CCDC178: variants seen among roughly 807,000 people sequenced by gnomAD.
CCDC178 encodes the protein coiled-coil domain containing 178.
CCDC178 carries 126 observed loss-of-function variants against 117.4 expected under a neutral mutation model. The ratio of observed to expected loss-of-function variants is 1.07; its 90% CI spans 0.93 to 1.24. The LOEUF (loss-of-function observed/expected upper bound fraction) is 1.24, where lower values mean the gene tolerates loss of function less well. Ranked by LOEUF, CCDC178 falls within the 50% of genes most tolerant of loss-of-function variation. CCDC178 has a pLI of 0.00. For missense variants in CCDC178, 1,030 were observed against 986.9 expected, an observed-to-expected ratio of 1.04 and a Z score of -0.59; for synonymous variants, 283 against 313.4, an observed-to-expected ratio of 0.90 and a Z score of 1.02.
chr18:33,245,203 C>CA lies in CCDC178; in HGVS notation c.1593+41_1593+42insT, dbSNP rs766952439. The CA allele has an allele frequency of 9.7e-6, 14 of 1,448,686 alleles. 1 individual carries two copies. The South Asian group carries it at 2.2e-4, about 23-fold the overall frequency. The allele number at this position is 1,448,686 out of a possible 1,614,324, so 89.7% of individuals were successfully genotyped here. On this transcript the variant is annotated intron_variant, in intron 15 of 22. Transcript: ENST00000383096. ...ATCGATACAATTCAGGTAAATTACTCTTTTTTTCATCATGAGTAAGAGGAA... is the reference window on the plus strand; with the variant it reads ...ATCGATACAATTCAGGTAAATTACTCATTTTTTTCATCATGAGTAAGAGGAA...
intron 11 of CCDC178, among the ~76,000 whole-genome samples, chr18:33,306,628 A>G (rs772426940): frequency 3.5e-5 from 5 of 144,794 alleles, no homozygotes; most frequent in Non-Finnish European, 7.6e-5. Context: ...GGTTATATAT[A>G]TATATAAGGT....
intron 20 of CCDC178, among the ~76,000 whole-genome samples, chr18:33,100,799 A>G (rs530270817): frequency 6.6e-6 from 1 of 152,132 alleles, no homozygotes; most frequent in East Asian, 1.9e-4. Flanking sequence ...AAAACCTTAC[A>G]CAAATGCCAC....
At chr18:33,039,609 G>A (rs1258270160) in intron 21 of CCDC178, among the ~76,000 whole-genome samples, 8 of 151,958 alleles carry the variant, frequency 5.3e-5, no homozygotes, top group Non-Finnish European at 1.0e-4. Flanking sequence ...CTTGCAGAAA[G>A]TTTGAGATCT....
At chr18:33,218,596 A>C (rs2059195449) in intron 18 of CCDC178, among the ~76,000 whole-genome samples, 1 of 152,208 alleles carries the variant, frequency 6.6e-6, no homozygotes. Flanking sequence ...TCTAACATTT[A>C]AGTCTTTAAT....
rs905351282 is a variant in CCDC178 at position 32,952,497 on chromosome 18, C to T, written c.2524-14406G>A. 2.6e-5 allele frequency among the ~76,000 whole-genome samples: 4 copies of T among 152,120 alleles called. No homozygotes were observed. The South Asian group carries it at 8.3e-4, about 32-fold the overall frequency. On this transcript the variant is annotated intron_variant, in intron 22 of 22. Coordinates refer to ENST00000383096, the MANE Select transcript of CCDC178 (RefSeq NM_001105528.4). ...TACAGCTGGAGCTGAAGCAGGTGGG[C>T]AACAGGACACCATGTTCTTTCTATG...
chr18:33,155,925 T>C (rs907391267), intron 20 of CCDC178, among the ~76,000 whole-genome samples: 1 of 151,916 alleles, frequency 6.6e-6, no homozygotes, highest in Non-Finnish European at 1.5e-5. Context: ...AAAATGAATG[T>C]TATCAGGGGC....
At chr18:33,394,943 G>GTATGTATATATATATATATATATATA (rs1555697671) in intron 4 of CCDC178, among the ~76,000 whole-genome samples, 2 of 61,498 alleles carry the variant, frequency 3.3e-5, no homozygotes, top group Non-Finnish European at 6.1e-5. Flanking sequence ...ATATGTATGT[G>GTATGTATATATATATATATATATATA]TATATATATA....
chr18:32,997,172 G>T (rs1306956635), intron 21 of CCDC178, among the ~76,000 whole-genome samples: 1 of 152,042 alleles, frequency 6.6e-6, no homozygotes, highest in East Asian at 1.9e-4. Context: ...TGTGTGTGGG[G>T]GTAGGATGGG....
intron 8 of CCDC178, 53 bp downstream of exon 8, chr18:33,348,837 G>T (rs2062931249): frequency 1.8e-6 from 2 of 1,082,370 alleles, no homozygotes; most frequent in Admixed American, 1.8e-5. Context: ...ATTAAATGAA[G>T]TCAATGAACT....
At chr18:33,189,136 G>C (rs1007964679) in intron 20 of CCDC178, among the ~76,000 whole-genome samples, 1 of 152,122 alleles carries the variant, frequency 6.6e-6, no homozygotes, top group African/African-American at 2.4e-5. Flanking sequence ...GTATCAGTTA[G>C]TACTCCCATG....
intron 2 of CCDC178, among the ~76,000 whole-genome samples, chr18:33,433,902 A>T (rs921507644): frequency 6.6e-6 from 1 of 152,124 alleles, no homozygotes; most frequent in African/African-American, 2.4e-5. Flanking sequence ...AAAGGAAGTA[A>T]TGCTTTCATT....
chr18:32,938,247 C>A, intron 22 of CCDC178, 156 bp from the exon 23 acceptor site: 1 of 582,486 alleles, frequency 1.7e-6, no homozygotes, highest in Non-Finnish European at 3.0e-6. Context: ...ACAGTATAAA[C>A]CCCAAGGAAG....
At chr18:33,234,549 A>C (rs1449077570) in intron 15 of CCDC178, among the ~76,000 whole-genome samples, 1 of 152,156 alleles carries the variant, frequency 6.6e-6, no homozygotes, top group Non-Finnish European at 1.5e-5. Context: ...GAGAAATAAG[A>C]AAGTGTAGGG....
chr18:33,208,475 G>A (rs551240271), intron 20 of CCDC178, among the ~76,000 whole-genome samples: 33 of 152,066 alleles, frequency 2.2e-4, no homozygotes, highest in African/African-American at 7.9e-4. Flanking sequence ...GAGTGTGACC[G>A]CTATATTCAA....
chr18:33,002,761 A>G (rs1394846289), intron 21 of CCDC178, among the ~76,000 whole-genome samples: 1 of 151,968 alleles, frequency 6.6e-6, no homozygotes, highest in African/African-American at 2.4e-5. Flanking sequence ...TGAAAAGATA[A>G]ATAAAATTGA....
chr18:33,064,559 C>A (rs79466931), intron 21 of CCDC178, among the ~76,000 whole-genome samples: 1 of 152,044 alleles, frequency 6.6e-6, no homozygotes, highest in African/African-American at 2.4e-5. Context: ...AATAAAAAGA[C>A]AAAAAATATT....
chr18:33,187,181 T>C (rs2058806426), intron 20 of CCDC178, among the ~76,000 whole-genome samples: 1 of 151,598 alleles, frequency 6.6e-6, no homozygotes, highest in Admixed American at 6.6e-5. Flanking sequence ...CTCACTATCA[T>C]GAGAACAGCA....
intron 11 of CCDC178, among the ~76,000 whole-genome samples, chr18:33,318,575 C>G (rs2062454253): frequency 1.3e-5 from 2 of 152,032 alleles, no homozygotes; most frequent in Non-Finnish European, 2.9e-5. Context: ...TTAATTTGAG[C>G]ACAAGACATA....
At chr18:33,279,221 C>A (rs1375601539) in intron 12 of CCDC178, among the ~76,000 whole-genome samples, 10 of 152,196 alleles carry the variant, frequency 6.6e-5, no homozygotes, top group East Asian at 1.9e-4. Context: ...GTCTCAGCCC[C>A]AAATCTCCTT....
Sources: allele counts gnomAD v4.1 joint callset (sites outside exome capture counted in the v4.1 genomes callset), GRCh38; gene constraint gnomAD v4.1.1; transcripts MANE v1.5; gene names NCBI Gene and HGNC (gene_info 2026-07-23, HGNC 2026-07-21).